The following CDIN1 variants were observed in gnomAD, a reference collection of about 807,000 sequenced individuals.
CDIN1 encodes the protein CDAN1 interacting nuclease 1.
Under a neutral mutation model 45.3 loss-of-function variants are expected in CDIN1, and 33 were observed. The ratio of observed to expected loss-of-function variants is 0.73; its 90% CI spans 0.55 to 0.97. The LOEUF is 0.97. Ranked by LOEUF, CDIN1 falls within the 50% of genes least tolerant of loss-of-function variation. The probability of loss-of-function intolerance (pLI) is 0.00; values close to 1 mark genes in which losing one functional copy is unlikely to be tolerated. For synonymous variants in CDIN1, 118 were observed against 124.4 expected (o/e 0.95, Z 0.34); for missense variants, 303 against 339.4 (o/e 0.89, Z 0.84).
intron 1 of CDIN1, chr15:36,641,189 G>A (rs2040089840): frequency 6.6e-6 from 1 of 152,308 alleles, no homozygotes; most frequent in African/African-American, 2.4e-5. Flanking sequence ...GAACACAGAA[G>A]CCTGGGAAGA....
At chr15:36,632,646 T>A (rs2039727989) in intron 1 of CDIN1, among the ~76,000 whole-genome samples, 1 of 152,224 alleles carries the variant, frequency 6.6e-6, no homozygotes, top group African/African-American at 2.4e-5. Flanking sequence ...ATGTTATAAG[T>A]GTGTACACCT....
Position 36,644,205 on chromosome 15 carries a change from G to A in CDIN1, c.102-73G>A, listed in dbSNP as rs767922166. ...ATTACAGGGCAGCAGGCCTACCTTTGAAGCTCCTTTCTCTTTTGTTTCTTT... is the reference window on the plus strand; with the variant it reads ...ATTACAGGGCAGCAGGCCTACCTTTAAAGCTCCTTTCTCTTTTGTTTCTTT... On this transcript the variant is annotated intron_variant, in intron 1 of 10. Transcript: ENST00000566621. 2.9e-5 allele frequency: 42 copies of A among 1,450,068 alleles called. 1 individual carries two copies. The Admixed American group carries it at 3.9e-4, about 13-fold the overall frequency. The allele number at this position is 1,450,068 out of a possible 1,614,324, so 89.8% of individuals were successfully genotyped here. A position where few individuals can be genotyped will look rare whatever the true frequency, so the allele number is the denominator to read the frequency against.
intron 1 of CDIN1, chr15:36,613,705 A>C (rs2038757273): frequency 2.6e-6 from 4 of 1,521,856 alleles, no homozygotes; most frequent in Middle Eastern, 3.5e-4. Context: ...AAAAGCTAGA[A>C]GAAGCGGAAA....
At chr15:36,608,630 T>C (rs938808286) in intron 1 of CDIN1, among the ~76,000 whole-genome samples, 10 of 152,152 alleles carry the variant, frequency 6.6e-5, no homozygotes, top group Admixed American at 1.3e-4. Context: ...TTATTTTATT[T>C]ATGGTGTCCT....
intron 5 of CDIN1, among the ~76,000 whole-genome samples, chr15:36,662,029 T>C (rs1216264463): frequency 6.6e-6 from 1 of 152,162 alleles, no homozygotes; most frequent in Non-Finnish European, 1.5e-5. Context: ...TGCTACTGAG[T>C]CTGAATATAA....
intron 1 of CDIN1, among the ~76,000 whole-genome samples, chr15:36,616,418 G>A (rs2038892237): frequency 6.6e-6 from 1 of 151,920 alleles, no homozygotes; most frequent in South Asian, 2.1e-4. Context: ...AAGTAGCTGG[G>A]ATTACAAGCA....
At chr15:36,795,006 TTA>T (rs2141101241) in intron 10 of CDIN1, among the ~76,000 whole-genome samples, 1 of 152,322 alleles carries the variant, frequency 6.6e-6, no homozygotes, top group South Asian at 2.1e-4. Context: ...CTGGAGGTTA[TTA>T]TGTTAAGTGA....
chr15:36,664,537 C>T (rs1383607079), intron 5 of CDIN1, among the ~76,000 whole-genome samples: 1 of 152,142 alleles, frequency 6.6e-6, no homozygotes, highest in East Asian at 1.9e-4. Flanking sequence ...TCGCAAGCCT[C>T]CTGTTTATTG....
chr15:36,663,497 C>T (rs760868162), intron 5 of CDIN1, among the ~76,000 whole-genome samples: 4 of 152,080 alleles, frequency 2.6e-5, no homozygotes, highest in Non-Finnish European at 5.9e-5. Context: ...GGCGGTTACC[C>T]CCATGCTTTT....
intron 5 of CDIN1, among the ~76,000 whole-genome samples, chr15:36,689,406 CATAT>C (rs2042164716): frequency 6.6e-6 from 1 of 152,132 alleles, no homozygotes; most frequent in Non-Finnish European, 1.5e-5. Flanking sequence ...TGGCCACTTA[CATAT>C]TAGTGATCTC....
chr15:36,608,414 G>A (rs1218861277), intron 1 of CDIN1, among the ~76,000 whole-genome samples: 1 of 152,114 alleles, frequency 6.6e-6, no homozygotes, highest in Non-Finnish European at 1.5e-5. Flanking sequence ...TATTTCCTCA[G>A]TGACTAATGA....
intron 10 of CDIN1, among the ~76,000 whole-genome samples, chr15:36,785,742 G>A (rs905341702): frequency 1.3e-5 from 2 of 152,198 alleles, no homozygotes; most frequent in African/African-American, 4.8e-5. Context: ...TTTACAGAAA[G>A]AATTGGTGTT....
At chr15:36,726,066 T>C (rs1216365114) in intron 10 of CDIN1, among the ~76,000 whole-genome samples, 2 of 152,244 alleles carry the variant, frequency 1.3e-5, no homozygotes, top group Non-Finnish European at 2.9e-5. Flanking sequence ...GATAACTGTC[T>C]ACTAAATGAA....
chr15:36,634,324 G>GGAGGCT (rs79410417), intron 1 of CDIN1, among the ~76,000 whole-genome samples: 76,995 of 150,972 alleles, frequency 0.51, 19,884 homozygotes, highest in Admixed American at 0.59. Context: ...CAGCTATTTG[G>GGAGGCT]GAGGCAGGAG....
At chr15:36,658,917 A>G (rs1026738081) in intron 5 of CDIN1, among the ~76,000 whole-genome samples, 2 of 152,226 alleles carry the variant, frequency 1.3e-5, no homozygotes, top group African/African-American at 4.8e-5. Flanking sequence ...TAAAAATTCA[A>G]TATCATTTCA....
At chr15:36,600,243 T>C (rs181701028) in intron 1 of CDIN1, among the ~76,000 whole-genome samples, 1 of 152,290 alleles carries the variant, frequency 6.6e-6, no homozygotes, top group Admixed American at 6.5e-5. Flanking sequence ...GCAGATGCTT[T>C]TGTCTTGGAA....
At chr15:36,678,831 G>A (rs2041745220) in intron 5 of CDIN1, among the ~76,000 whole-genome samples, 1 of 152,206 alleles carries the variant, frequency 6.6e-6, no homozygotes, top group African/African-American at 2.4e-5. Context: ...GATCTTGAGA[G>A]CGCAGATGTT....
intron 10 of CDIN1, among the ~76,000 whole-genome samples, chr15:36,800,905 G>GTTTA: frequency 4.5e-5 from 1 of 22,110 alleles, no homozygotes; most frequent in Admixed American, 8.7e-4. Flanking sequence ...GTGTGTGTGT[G>GTTTA]TGTGTATATA....
chr15:36,620,790 T>A (rs796507771), intron 1 of CDIN1, among the ~76,000 whole-genome samples: 5 of 148,550 alleles, frequency 3.4e-5, no homozygotes, highest in African/African-American at 7.5e-5. Flanking sequence ...ATTTTTTTTT[T>A]AAAGGCTTAA....
Sources: gnomAD v4.1 joint callset for allele counts (sites outside exome capture counted in the v4.1 genomes callset) on GRCh38, gnomAD v4.1.1 for gene constraint, MANE v1.5 for transcripts, NCBI Gene and HGNC (gene_info 2026-07-23, HGNC 2026-07-21) for gene names.